The following CPAP variants were observed in gnomAD, a reference collection of about 807,000 sequenced individuals.
CPAP encodes the protein centrosomal P4.1-associated protein.
chr13:24,905,626 C>A, the CPAP span: 1 of 1,614,204 alleles, frequency 6.2e-7, no homozygotes, highest in South Asian at 1.1e-5. Context: ...TACACAAATT[C>A]TCTTCAAGGT....
chr13:24,915,016 A>G, the CPAP span, among the ~76,000 whole-genome samples: 3 of 152,186 alleles, frequency 2.0e-5, no homozygotes, highest in East Asian at 3.9e-4. Context: ...CAAAGGCTGC[A>G]GTGAGCCAAG....
chr13:24,892,408 G>A, the CPAP span, among the ~76,000 whole-genome samples: 1 of 152,142 alleles, frequency 6.6e-6, no homozygotes, highest in South Asian at 2.1e-4. Context: ...AGCATGTTTA[G>A]GTGCACACTT....
chr13:24,910,835 A>C, the CPAP span, among the ~76,000 whole-genome samples: 1 of 152,214 alleles, frequency 6.6e-6, no homozygotes, highest in Non-Finnish European at 1.5e-5. Flanking sequence ...AACTATTTTA[A>C]GGCACACAAA....
the CPAP span, chr13:24,905,526 T>C: frequency 3.7e-6 from 6 of 1,614,216 alleles, no homozygotes; most frequent in Non-Finnish European, 5.1e-6. Context: ...TTCCTTTTTA[T>C]TGTTTTGTCC....
the CPAP span, among the ~76,000 whole-genome samples, chr13:24,916,061 T>C: frequency 3.3e-5 from 5 of 152,042 alleles, no homozygotes; most frequent in Admixed American, 6.6e-5. Context: ...TTGAAGGCAG[T>C]AGGCACAGCT....
the CPAP span, among the ~76,000 whole-genome samples, chr13:24,887,390 A>T: frequency 6.6e-6 from 1 of 152,178 alleles, no homozygotes; most frequent in African/African-American, 2.4e-5. Context: ...CTTCATCTGT[A>T]TTTACAGCAG....
chr13:24,893,004 A>AATGT, the CPAP span: 3 of 712,402 alleles, frequency 4.2e-6, no homozygotes, highest in Non-Finnish European at 7.2e-6. Context: ...GACATTTAAG[A>AATGT]CGAATGTCGT....
At chr13:24,884,019 A>T in the CPAP span, 4 of 1,613,940 alleles carry the variant, frequency 2.5e-6, no homozygotes, top group African/African-American at 1.3e-5. Context: ...GTCCATCAGG[A>T]AATAAGTTTT....
chr13:24,916,968 C>T, the CPAP span, among the ~76,000 whole-genome samples: 15 of 152,180 alleles, frequency 9.9e-5, no homozygotes, highest in Admixed American at 2.6e-4. Flanking sequence ...AATACATTTA[C>T]GGCCCGGTGC....
the CPAP span, chr13:24,905,958 C>A: frequency 6.2e-7 from 1 of 1,614,180 alleles, no homozygotes; most frequent in South Asian, 1.1e-5. Flanking sequence ...ACACCTTCAT[C>A]GTCACGTGCA....
the CPAP span, among the ~76,000 whole-genome samples, chr13:24,910,509 G>A: frequency 6.6e-6 from 1 of 152,226 alleles, no homozygotes; most frequent in Non-Finnish European, 1.5e-5. Context: ...ACAGGTGTGA[G>A]CCACTATGTC....
the CPAP span, among the ~76,000 whole-genome samples, chr13:24,898,323 G>T: frequency 6.6e-6 from 1 of 152,116 alleles, no homozygotes; most frequent in South Asian, 2.1e-4. Flanking sequence ...AGTACAGCGG[G>T]GAGAGAGATG....
At chr13:24,890,149 A>G in the CPAP span, among the ~76,000 whole-genome samples, 1 of 152,212 alleles carries the variant, frequency 6.6e-6, no homozygotes, top group African/African-American at 2.4e-5. Flanking sequence ...ATGCTAAAGC[A>G]TTTAGGGGTG....
the CPAP span, among the ~76,000 whole-genome samples, chr13:24,893,403 G>A: frequency 6.6e-6 from 1 of 152,244 alleles, no homozygotes; most frequent in Admixed American, 6.5e-5. Context: ...GAGATCACGT[G>A]CAGCTGCAAG....
chr13:24,909,982 C>T, the CPAP span: 6 of 1,614,080 alleles, frequency 3.7e-6, no homozygotes, highest in Admixed American at 8.3e-5. Flanking sequence ...TGGGTTGGGT[C>T]CGGGTAGACA....
the CPAP span, among the ~76,000 whole-genome samples, chr13:24,926,829 A>G: frequency 6.6e-6 from 1 of 152,190 alleles, no homozygotes; most frequent in East Asian, 1.9e-4. Context: ...AGAGATAAGA[A>G]AAAGCATTAG....
At chr13:24,930,088 T>G in the CPAP span, among the ~76,000 whole-genome samples, 1 of 151,808 alleles carries the variant, frequency 6.6e-6, no homozygotes, top group Non-Finnish European at 1.5e-5. Flanking sequence ...TTTTTTAATT[T>G]TTTTGTAAAG....
chr13:24,915,353 G>A, the CPAP span, among the ~76,000 whole-genome samples: 1 of 152,156 alleles, frequency 6.6e-6, no homozygotes, highest in Non-Finnish European at 1.5e-5. Flanking sequence ...TATGAAATAT[G>A]CACATAGAGA....
the CPAP span, chr13:24,885,644 C>T: frequency 6.2e-7 from 1 of 1,613,006 alleles, no homozygotes; most frequent in South Asian, 1.1e-5. Flanking sequence ...CGAGGAGGTG[C>T]AGACTTGGAT....
Sources: gnomAD v4.1 joint callset for allele counts (sites outside exome capture counted in the v4.1 genomes callset) on GRCh38, gnomAD v4.1.1 for gene constraint, MANE v1.5 for transcripts, NCBI Gene and HGNC (gene_info 2026-07-23, HGNC 2026-07-21) for gene names.